Variants in MICAL3 observed in about 807,000 individuals in gnomAD.
MICAL3 encodes [F-actin]-monooxygenase MICAL3.
A neutral mutation model predicts 207.4 loss-of-function variants in MICAL3; 62 were observed. The ratio of observed to expected loss-of-function variants is 0.30; its 90% CI spans 0.24 to 0.37. The LOEUF (loss-of-function observed/expected upper bound fraction) is 0.37, where lower values mean the gene tolerates loss of function less well. MICAL3 is among the 10% of genes least tolerant of loss of function. The probability of loss-of-function intolerance (pLI) is 1.00; values close to 1 mark genes in which losing one functional copy is unlikely to be tolerated. For missense variants in MICAL3, 2,368 were observed against 2,635.6 expected (o/e 0.90, Z 2.22); for synonymous variants, 1,077 against 1,069.3 (o/e 1.01, Z -0.14).
intron 1 of MICAL3, among the ~76,000 whole-genome samples, chr22:17,989,443 T>A (rs1305816981): frequency 3.9e-5 from 6 of 151,970 alleles, no homozygotes; most frequent in Non-Finnish European, 8.8e-5. Flanking sequence ...AAGGAATACA[T>A]CTTATTTATC....
At chr22:17,990,179 A>G (rs1485880288) in intron 1 of MICAL3, among the ~76,000 whole-genome samples, 1 of 152,220 alleles carries the variant, frequency 6.6e-6, no homozygotes, top group Non-Finnish European at 1.5e-5. Flanking sequence ...AGATGCTTTC[A>G]TATTGATGAG....
intron 8 of MICAL3, 22 bp from the exon 9 acceptor site, chr22:17,896,383 A>T: frequency 2.2e-6 from 3 of 1,349,428 alleles, no homozygotes; most frequent in Non-Finnish European, 3.1e-6. Flanking sequence ...ACATAAAACA[A>T]ATAATTAAAA....
chr22:17,850,869 A>T (rs1925250154), intron 19 of MICAL3, among the ~76,000 whole-genome samples: 1 of 152,184 alleles, frequency 6.6e-6, no homozygotes, highest in South Asian at 2.1e-4. Context: ...AGTAACATAC[A>T]ACTCACCAGT....
At chr22:17,866,628 T>C (rs570378557) in intron 17 of MICAL3, among the ~76,000 whole-genome samples, 4 of 142,406 alleles carry the variant, frequency 2.8e-5, no homozygotes, top group East Asian at 4.3e-4. Context: ...TAGAATAGAA[T>C]AGAATAGAAT....
At chr22:17,929,571 T>TTC (rs535944946) in intron 1 of MICAL3, among the ~76,000 whole-genome samples, 1,380 of 128,048 alleles carry the variant, frequency 0.011, 11 homozygotes, top group Non-Finnish European at 0.015. Context: ...TTCTTTTCTT[T>TTC]TTTTTTTTTT....
At chr22:17,903,999 C>T (rs1185929180) in intron 3 of MICAL3, among the ~76,000 whole-genome samples, 1 of 152,240 alleles carries the variant, frequency 6.6e-6, no homozygotes, top group East Asian at 1.9e-4. Context: ...AACTTGTATT[C>T]ATACCCTGTA....
intron 29 of MICAL3, among the ~76,000 whole-genome samples, chr22:17,805,284 G>A (rs534835517): frequency 6.6e-6 from 1 of 152,396 alleles, no homozygotes; most frequent in Admixed American, 6.5e-5. Flanking sequence ...AGAAGCAGGA[G>A]AGAAAGCAGC....
At chr22:17,918,292 A>G (rs1932667391) in intron 1 of MICAL3, among the ~76,000 whole-genome samples, 1 of 152,050 alleles carries the variant, frequency 6.6e-6, no homozygotes, top group Admixed American at 6.5e-5. Flanking sequence ...AAAAAAAAAC[A>G]TTGAGGACCC....
At chr22:17,850,558 C>A (rs1925216085) in intron 19 of MICAL3, among the ~76,000 whole-genome samples, 1 of 151,672 alleles carries the variant, frequency 6.6e-6, no homozygotes, top group Non-Finnish European at 1.5e-5. Context: ...ATTACAGGCG[C>A]CTGCCATCAT....
intron 21 of MICAL3, 96 bp downstream of exon 21, chr22:17,831,758 C>T (rs528245153): frequency 9.4e-6 from 14 of 1,488,234 alleles, no homozygotes; most frequent in Non-Finnish European, 1.2e-5. Context: ...GAGGCACGTC[C>T]GTGTGACGTC....
At chr22:17,872,687 A>G in intron 16 of MICAL3, 1 of 1,000,662 alleles carries the variant, frequency 1.0e-6, no homozygotes. Flanking sequence ...CTCAGCACAC[A>G]GGTGTGTTTC....
chr22:17,949,914 T>C (rs977105600), intron 1 of MICAL3, among the ~76,000 whole-genome samples: 1 of 152,216 alleles, frequency 6.6e-6, no homozygotes, highest in Admixed American at 6.5e-5. Context: ...AGAGATGCTG[T>C]GCTTCTAACA....
intron 1 of MICAL3, among the ~76,000 whole-genome samples, chr22:17,969,282 A>T (rs902460636): frequency 3.9e-5 from 6 of 152,126 alleles, no homozygotes; most frequent in African/African-American, 1.2e-4. Context: ...CTCGTGATCC[A>T]CCTGCCTCGG....
At chr22:17,799,861 G>C (rs537850233) in intron 29 of MICAL3, among the ~76,000 whole-genome samples, 1 of 150,130 alleles carries the variant, frequency 6.7e-6, no homozygotes, top group South Asian at 2.1e-4. Context: ...GAAAAGTGAA[G>C]GCAAAAAACC....
intron 1 of MICAL3, among the ~76,000 whole-genome samples, chr22:17,976,589 ATT>A (rs1195101695): frequency 2.1e-4 from 14 of 67,122 alleles, no homozygotes; most frequent in African/African-American, 6.5e-4. Context: ...ATATATATAT[ATT>A]TTTTTTTTTT....
chr22:17,949,301 C>T (rs764415812), intron 1 of MICAL3, among the ~76,000 whole-genome samples: 6 of 152,212 alleles, frequency 3.9e-5, no homozygotes, highest in South Asian at 2.1e-4. Flanking sequence ...TAAGTACATA[C>T]ACCCAGCTAC....
chr22:17,816,818 C>T lies in MICAL3; in HGVS notation c.5351-34G>A, dbSNP rs763589052. The T allele has an allele frequency of 1.5e-5, 23 of 1,484,140 alleles. No individual in the cohort carries two copies. In the African/African-American group the frequency reaches 3.2e-4, roughly 21 times the overall value. The allele number at this position is 1,484,140 out of a possible 1,614,324, so 91.9% of individuals were successfully genotyped here. On this transcript the variant is annotated intron_variant, in intron 26 of 31. Coordinates refer to ENST00000441493, the MANE Select transcript of MICAL3 (RefSeq NM_015241.3). ...AGAGGGAGGCCACGTGAGGACAGCGCCAGACAGCAGGCGCAGCCCTCTCCT... is the reference window on the plus strand; with the variant it reads ...AGAGGGAGGCCACGTGAGGACAGCGTCAGACAGCAGGCGCAGCCCTCTCCT...
chr22:17,953,351 T>C (rs961229843), intron 1 of MICAL3, among the ~76,000 whole-genome samples: 2 of 152,182 alleles, frequency 1.3e-5, no homozygotes, highest in Admixed American at 6.5e-5. Context: ...GCACGCCCTT[T>C]ACTCCTTCCC....
At chr22:17,807,060 C>T (rs1040975031) in intron 29 of MICAL3, among the ~76,000 whole-genome samples, 3 of 152,208 alleles carry the variant, frequency 2.0e-5, no homozygotes, top group African/African-American at 7.2e-5. Context: ...AGGGAGCTGT[C>T]TTCTTCCTGA....
Sources: gnomAD v4.1 joint callset for allele counts (sites outside exome capture counted in the v4.1 genomes callset) on GRCh38, gnomAD v4.1.1 for gene constraint, MANE v1.5 for transcripts, NCBI Gene and HGNC (gene_info 2026-07-23, HGNC 2026-07-21) for gene names.